The following KSR2 variants were observed in gnomAD, a reference collection of about 807,000 sequenced individuals.
The protein encoded by KSR2 is kinase suppressor of ras 2.
Under a neutral mutation model 107.8 loss-of-function variants are expected in KSR2, and 25 were observed. The ratio of observed to expected loss-of-function variants is 0.23; its 90% confidence interval spans 0.17 to 0.32. The LOEUF (loss-of-function observed/expected upper bound fraction) is 0.32. Ranked by LOEUF, KSR2 falls within the 10% of genes least tolerant of loss-of-function variation. KSR2 has a pLI of 1.00. For missense variants in KSR2, 887 were observed against 1,268.9 expected (o/e 0.70, Z 4.57); for synonymous variants, 480 against 507.0 (o/e 0.95, Z 0.71).
chr12:117,498,315 A>G (rs1184977279), intron 14 of KSR2, among the ~76,000 whole-genome samples: 4 of 151,936 alleles, frequency 2.6e-5, no homozygotes, highest in Non-Finnish European at 5.9e-5. Flanking sequence ...CACCCCCCAA[A>G]TTCAGGGCAG....
chr12:117,514,270 C>T (rs547387134), intron 14 of KSR2, among the ~76,000 whole-genome samples: 14 of 152,360 alleles, frequency 9.2e-5, no homozygotes, highest in Middle Eastern at 3.4e-3. Flanking sequence ...GCATTGAAGC[C>T]TGCATTTGTT....
chr12:117,726,851 A>C (rs1887445031), intron 4 of KSR2, among the ~76,000 whole-genome samples: 1 of 152,168 alleles, frequency 6.6e-6, no homozygotes, highest in South Asian at 2.1e-4. Context: ...CAACAAAAAA[A>C]ACTTGTACAA....
intron 3 of KSR2, among the ~76,000 whole-genome samples, chr12:117,811,480 G>A (rs1891189082): frequency 6.6e-6 from 1 of 152,280 alleles, no homozygotes. Flanking sequence ...GAAATTCTGG[G>A]CATGAAGCCC....
chr12:117,497,842 T>C (rs187417355), intron 14 of KSR2, among the ~76,000 whole-genome samples: 27 of 152,334 alleles, frequency 1.8e-4, no homozygotes, highest in African/African-American at 6.3e-4. Flanking sequence ...CTAGCTGTTA[T>C]TTTTTGAGAG....
chr12:117,540,859 C>T (rs1876435194), intron 9 of KSR2, among the ~76,000 whole-genome samples: 1 of 152,220 alleles, frequency 6.6e-6, no homozygotes, highest in Non-Finnish European at 1.5e-5. Flanking sequence ...GAATAAATTT[C>T]TGTTGTTTTA....
At chr12:117,913,049 G>A (rs1346198475) in intron 1 of KSR2, among the ~76,000 whole-genome samples, 1 of 152,186 alleles carries the variant, frequency 6.6e-6, no homozygotes, top group East Asian at 1.9e-4. Flanking sequence ...CCCGGGGCAG[G>A]AAGCAGGAAG....
intron 1 of KSR2, among the ~76,000 whole-genome samples, chr12:117,930,905 C>A (rs1035458042): frequency 6.6e-6 from 1 of 152,096 alleles, no homozygotes; most frequent in East Asian, 1.9e-4. Context: ...CAGAAGAAGA[C>A]CCTGTTTCAA....
chr12:117,950,749 A>ATAATAATAATAATAATAAT (rs60499991), intron 1 of KSR2, among the ~76,000 whole-genome samples: 1 of 132,166 alleles, frequency 7.6e-6, no homozygotes, highest in East Asian at 2.2e-4. Context: ...AAAAAAAAAA[A>ATAATAATAATAATAATAAT]AATAATAATA....
At chr12:117,792,940 A>G (rs1471885719) in intron 3 of KSR2, among the ~76,000 whole-genome samples, 1 of 150,472 alleles carries the variant, frequency 6.6e-6, no homozygotes, top group Non-Finnish European at 1.5e-5. Context: ...CAACATGCAC[A>G]CACGCTCACA....
intron 3 of KSR2, among the ~76,000 whole-genome samples, chr12:117,788,861 C>T (rs1593237248): frequency 6.6e-6 from 1 of 152,308 alleles, no homozygotes; most frequent in East Asian, 1.9e-4. Context: ...AGCTGATCTT[C>T]TCAAGTTGAA....
intron 14 of KSR2, among the ~76,000 whole-genome samples, chr12:117,489,548 CAAAAA>C (rs11358177): frequency 2.3e-5 from 2 of 87,232 alleles, no homozygotes; most frequent in Non-Finnish European, 4.9e-5. Flanking sequence ...GACCCTGTCT[CAAAAA>C]AAAAAAAAAA....
intron 5 of KSR2, among the ~76,000 whole-genome samples, chr12:117,592,400 G>A (rs570126504): frequency 1.3e-5 from 2 of 152,086 alleles, no homozygotes; most frequent in South Asian, 2.1e-4. Flanking sequence ...AGGCATGAGC[G>A]ACCGTGCCTG....
Position 117,862,664 on chromosome 12 carries a change from C to G in KSR2, c.181-2233G>C, listed in dbSNP as rs796704281. 2.0e-5 allele frequency among the ~76,000 whole-genome samples: 3 copies of G among 151,926 alleles called. No homozygotes were observed. In the East Asian group the frequency reaches 5.8e-4, roughly 29 times the overall value. ...TCACTCAAAACAAAACAAAACAAAA[C>G]TTGGAGCCTGGGATGGTTGTCATGG... is the stretch of plus-strand genomic sequence containing the variant. On this transcript the variant is annotated intron_variant, in intron 1 of 19. Coordinates refer to ENST00000339824, the MANE Select transcript of KSR2 (RefSeq NM_173598.6).
At chr12:117,946,940 G>A (rs1315039335) in intron 1 of KSR2, among the ~76,000 whole-genome samples, 2 of 151,910 alleles carry the variant, frequency 1.3e-5, no homozygotes, top group Admixed American at 6.6e-5. Context: ...CGAGGCAGAC[G>A]GATTACTTGA....
intron 3 of KSR2, among the ~76,000 whole-genome samples, chr12:117,803,357 C>G (rs1036928233): frequency 2.6e-5 from 4 of 152,158 alleles, no homozygotes; most frequent in Non-Finnish European, 4.4e-5. Context: ...TTCCAAGGAG[C>G]ACCAAGATGT....
chr12:117,967,259 C>T (rs1896825400), intron 1 of KSR2, among the ~76,000 whole-genome samples: 1 of 152,102 alleles, frequency 6.6e-6, no homozygotes, highest in South Asian at 2.1e-4. Flanking sequence ...TTTCAAACTC[C>T]CCCTCAAGTT....
chr12:117,662,833 C>G (rs1884494588), intron 5 of KSR2, among the ~76,000 whole-genome samples: 1 of 152,178 alleles, frequency 6.6e-6, no homozygotes, highest in Admixed American at 6.5e-5. Context: ...AAGAAACACC[C>G]AGAAAACTGC....
At chr12:117,892,008 C>A (rs1054604310) in intron 1 of KSR2, among the ~76,000 whole-genome samples, 3 of 79,100 alleles carry the variant, frequency 3.8e-5, no homozygotes, top group African/African-American at 2.0e-4. Flanking sequence ...TCAAGAAAAA[C>A]CACATAACGG....
At chr12:117,860,994 C>T (rs888669694) in intron 1 of KSR2, among the ~76,000 whole-genome samples, 38 of 152,196 alleles carry the variant, frequency 2.5e-4, no homozygotes, top group African/African-American at 8.2e-4. Context: ...GCTGAGATTA[C>T]AGGCGTGAGC....
Sources: gnomAD v4.1 joint callset for allele counts (sites outside exome capture counted in the v4.1 genomes callset) on GRCh38, gnomAD v4.1.1 for gene constraint, MANE v1.5 for transcripts, NCBI Gene and HGNC (gene_info 2026-07-23, HGNC 2026-07-21) for gene names.